DAW1: variants seen among roughly 807,000 people sequenced by gnomAD.
DAW1 encodes dynein assembly factor with WD repeat domains 1.
DAW1 carries 47 observed loss-of-function variants against 56.5 expected under a neutral mutation model. The ratio of observed to expected loss-of-function variants is 0.83; its 90% CI spans 0.66 to 1.06. The LOEUF is 1.06. Ranked by LOEUF, DAW1 falls within the 50% of genes least tolerant of loss-of-function variation. The pLI is 0.00. For synonymous variants in DAW1, 190 were observed against 179.0 expected (o/e 1.06, Z -0.49); for missense variants, 505 against 499.3 (o/e 1.01, Z -0.11).
chr2:227,904,940 C>G lies in DAW1; in HGVS notation c.660C>G (p.Ala220=). 1 of 1,612,640 alleles carries G rather than the reference C, an allele frequency of 6.2e-7. No homozygotes were observed. The highest frequency in any genetic ancestry group is 8.5e-7 in the Non-Finnish European group (1 of 1,179,180). ...TGCTCTTTTTCTAGGGACATTCTGCCGAAATCATCTCCTTGTCATTTAACA... is the reference window on the plus strand; with the variant it reads ...TGCTCTTTTTCTAGGGACATTCTGCGGAAATCATCTCCTTGTCATTTAACA... ...EEVYTLRGHS[A]EIISLSFNTS... Residue 220 remains alanine (A), a synonymous_variant, in exon 8 of 13, where the codon GCC becomes GCG. Transcript: ENST00000309931.
intron 10 of DAW1, among the ~76,000 whole-genome samples, chr2:227,912,689 GCTATA>G (rs1386296191): frequency 6.6e-6 from 1 of 152,102 alleles, no homozygotes; most frequent in East Asian, 1.9e-4. Flanking sequence ...CCATACATAA[GCTATA>G]CTGCTGTCAT....
At position 227,893,816 on chromosome 2, in the gene DAW1, T is replaced by TC; in HGVS notation, c.340dup (p.Arg114ProfsTer35). The TC allele has an allele frequency of 6.2e-7, 1 of 1,613,166 alleles. No homozygotes were observed. Among genetic ancestry groups the TC allele is most frequent in the Non-Finnish European group, 8.5e-7 (1 of 1,179,654 alleles). ...TTAGCTTTATCACAGGAAGCTATGA[T>TC]CGGACGTGCAAGCTCTGGGACACTG... On this transcript the variant is annotated frameshift_variant, in exon 5 of 13. Transcript: ENST00000309931. LOFTEE classifies it high-confidence loss of function.
intron 4 of DAW1, 24 bp downstream of exon 4, chr2:227,891,337 A>AT (rs2106195018): frequency 6.3e-7 from 1 of 1,599,034 alleles, no homozygotes; most frequent in East Asian, 2.2e-5. Context: ...TTTATGTCTA[A>AT]TTTTTAGCAG....
chr2:227,924,265 A>T lies in DAW1; in HGVS notation c.*297A>T, dbSNP rs1263555373. ...TATGATACTGAAAAAGGAGACCAGA[A>T]CAACTTAACAACGTGTCTCCTGGAT... On this transcript the variant is annotated 3_prime_UTR_variant, in exon 13 of 13. Coordinates refer to ENST00000309931, the MANE Select transcript of DAW1 (RefSeq NM_178821.3). 8.0e-6 allele frequency: 3 copies of T among 373,998 alleles called. No homozygotes were observed. The highest frequency in any genetic ancestry group is 1.5e-5 in the Non-Finnish European group (3 of 206,376). The allele number at this position is 373,998 out of a possible 1,614,324, so 23.2% of individuals were successfully genotyped here. A position where few individuals can be genotyped will look rare whatever the true frequency, so the allele number is the denominator to read the frequency against.
rs113623704 is a variant in DAW1, at chr2:227,901,040, T to G, written c.541-1962T>G. Among the ~76,000 whole-genome samples the G allele has an allele frequency of 4.1e-3, 628 of 152,326 alleles. 6 individuals carry two copies. Among genetic ancestry groups the G allele is most frequent in the African/African-American group, 0.015 (611 of 41,578 alleles). ...GACTAGGAGATGGTATGATCAGCTG[T>G]GCTCTTTGGAAAGATTATTTCTGTG... On this transcript the variant is annotated intron_variant, in intron 6 of 12. Transcript: ENST00000309931.
intron 1 of DAW1, among the ~76,000 whole-genome samples, chr2:227,875,922 TG>T (rs1294106285): frequency 1.6e-4 from 24 of 152,118 alleles, no homozygotes; most frequent in Non-Finnish European, 3.2e-4. Flanking sequence ...AATGAGATGA[TG>T]TGTGTTAAGC....
At chr2:227,884,961 G>A (rs761637954) in intron 1 of DAW1, among the ~76,000 whole-genome samples, 10 of 152,122 alleles carry the variant, frequency 6.6e-5, no homozygotes. Flanking sequence ...GCTTGCAGGG[G>A]CCCCATTTGT....
At chr2:227,901,108 T>C (rs557188867) in intron 6 of DAW1, among the ~76,000 whole-genome samples, 4 of 152,328 alleles carry the variant, frequency 2.6e-5, no homozygotes, top group African/African-American at 4.8e-5. Flanking sequence ...ATCCGAGTTA[T>C]CAGCCAGTTG....
At chr2:227,907,382 C>A (rs773430450) in intron 10 of DAW1, 130 bp downstream of exon 10, 1 of 685,448 alleles carries the variant, frequency 1.5e-6, no homozygotes, top group Non-Finnish European at 2.4e-6. Flanking sequence ...TCATCTCTAT[C>A]GTGACCATGT....
intron 1 of DAW1, among the ~76,000 whole-genome samples, chr2:227,881,792 G>A (rs565333890): frequency 1.0e-3 from 118 of 116,846 alleles, no homozygotes; most frequent in Admixed American, 2.4e-3. Flanking sequence ...TCACTCTGTC[G>A]CCCAGGCTGG....
At chr2:227,911,835 G>A (rs1390513717) in intron 10 of DAW1, among the ~76,000 whole-genome samples, 1 of 152,084 alleles carries the variant, frequency 6.6e-6, no homozygotes, top group Admixed American at 6.6e-5. Flanking sequence ...ATATCCACAT[G>A]TGATGCTATC....
chr2:227,876,402 A>G (rs1381252408), intron 1 of DAW1: 3 of 1,288,748 alleles, frequency 2.3e-6, no homozygotes, highest in Non-Finnish European at 1.0e-6. Flanking sequence ...TAATGAGGTC[A>G]TATTACTTAG....
chr2:227,895,318 T>C (rs1691381538), intron 5 of DAW1, among the ~76,000 whole-genome samples: 1 of 152,212 alleles, frequency 6.6e-6, no homozygotes, highest in Admixed American at 6.5e-5. Context: ...TAATGGAATA[T>C]ACCTTTTTTA....
chr2:227,919,487 G>A (rs776329793), intron 11 of DAW1, among the ~76,000 whole-genome samples: 6 of 152,026 alleles, frequency 3.9e-5, no homozygotes, highest in Admixed American at 6.6e-5. Context: ...TCCTGGTTCC[G>A]GTAAACACAT....
At chr2:227,917,138 A>ATCTG (rs1376270469) in intron 10 of DAW1, among the ~76,000 whole-genome samples, 2,324 of 97,988 alleles carry the variant, frequency 0.024, 27 homozygotes, top group East Asian at 0.04. Context: ...CTATCTATCT[A>ATCTG]TCTATCTGTC....
At position 227,889,865 on chromosome 2, in the gene DAW1, C is replaced by T; in HGVS notation, c.123C>T (p.Val41=). ...TTTGGGTGTATTTCAGCACTGATGTCAGTGCGTTAGTAGAAGAAATCCAGA... is the reference window on the plus strand; with the variant it reads ...TTTGGGTGTATTTCAGCACTGATGTTAGTGCGTTAGTAGAAGAAATCCAGA... ...DLLDLGPSTD[V]SALVEEIQKA... Residue 41 remains valine (V), a synonymous_variant, in exon 3 of 13, where the codon GTC becomes GTT. Transcript: ENST00000309931. The T allele has an allele frequency of 6.3e-7, 1 of 1,594,498 alleles. No individual in the cohort carries two copies. The highest frequency in any genetic ancestry group is 8.5e-7 in the Non-Finnish European group (1 of 1,173,866).
At chr2:227,880,487 G>T (rs1166233890) in intron 1 of DAW1, among the ~76,000 whole-genome samples, 6 of 150,724 alleles carry the variant, frequency 4.0e-5, no homozygotes, top group Non-Finnish European at 8.8e-5. Context: ...TTGGTTTCAG[G>T]TCTTTAGTAC....
chr2:227,880,119 T>C (rs1690973859), intron 1 of DAW1, among the ~76,000 whole-genome samples: 1 of 152,204 alleles, frequency 6.6e-6, no homozygotes, highest in African/African-American at 2.4e-5. Context: ...ATTTAGGATT[T>C]GCACATTTCT....
chr2:227,876,494 G>T, intron 1 of DAW1: 1 of 1,301,584 alleles, frequency 7.7e-7, no homozygotes, highest in South Asian at 1.2e-5. Context: ...CTGAATAGCA[G>T]GTGGGTGTTT....
Sources: gnomAD v4.1 joint callset for allele counts (sites outside exome capture counted in the v4.1 genomes callset) on GRCh38, gnomAD v4.1.1 for gene constraint, MANE v1.5 for transcripts, NCBI Gene and HGNC (gene_info 2026-07-23, HGNC 2026-07-21) for gene names.